Variants in BTAF1 observed in about 807,000 individuals in gnomAD.
BTAF1 encodes the protein B-TFIID TATA-box binding protein associated factor 1.
A neutral mutation model predicts 227.1 loss-of-function variants in BTAF1; 38 were observed. That is an observed-to-expected ratio of 0.17 (90% CI 0.13 to 0.22). BTAF1 has a LOEUF of 0.22. Ranked by LOEUF, BTAF1 falls within the 10% of genes least tolerant of loss-of-function variation. The pLI is 1.00. For synonymous variants in BTAF1, 742 were observed against 751.9 expected (o/e 0.99, Z 0.21); for missense variants, 1,598 against 2,204.0 (o/e 0.73, Z 5.51).
At chr10:91,963,999 C>T in intron 12 of BTAF1, 78 bp from the exon 13 acceptor site, 1 of 1,505,966 alleles carries the variant, frequency 6.6e-7, no homozygotes, top group Non-Finnish European at 9.1e-7. Flanking sequence ...TCAGTAGTGA[C>T]CCCTGGGATA....
At chr10:91,950,828 A>T (rs1034345224) in intron 4 of BTAF1, among the ~76,000 whole-genome samples, 2 of 124,472 alleles carry the variant, frequency 1.6e-5, no homozygotes, top group African/African-American at 3.4e-5. Context: ...TTCCATAGAG[A>T]TGTATTTTTT....
rs767222082 is a variant in BTAF1, at chr10:91,964,106, T to A, written c.1434T>A (p.Asp478Glu). ...CCTTCATTATAAATACATTGTGGGA[T>A]GCTCTTCTGGAATTAGATGATCTAA... ...KVPFIINTLW[D>E]ALLELDDLTA... The change falls in exon 13 of 38, where the codon GAT becomes GAA. Residue 478 changes from aspartate to glutamate, a missense_variant. Asp to Glu is a conservative substitution (Grantham distance 45, BLOSUM62 2). Transcript: ENST00000265990. The A allele has an allele frequency of 6.2e-7, 1 of 1,613,624 alleles. No homozygotes were observed. The highest frequency in any genetic ancestry group is 1.1e-5 in the South Asian group (1 of 91,072).
chr10:91,939,841 G>T, intron 2 of BTAF1, 111 bp from the exon 3 acceptor site: 1 of 607,054 alleles, frequency 1.6e-6, no homozygotes, highest in Non-Finnish European at 2.9e-6. Context: ...TATGTATTTG[G>T]ATGGCTGCCA....
intron 15 of BTAF1, among the ~76,000 whole-genome samples, 160 bp from the exon 16 acceptor site, chr10:91,981,483 A>G (rs1158737160): frequency 6.6e-6 from 1 of 152,178 alleles, no homozygotes; most frequent in African/African-American, 2.4e-5. Flanking sequence ...AACCTATTAG[A>G]AAACAGTACT....
chr10:91,962,438 T>C, intron 11 of BTAF1, 100 bp from the exon 12 acceptor site: 1 of 782,260 alleles, frequency 1.3e-6, no homozygotes, highest in African/African-American at 1.8e-5. Context: ...ACTATAAATA[T>C]TGGAATTTAG....
Position 91,942,466 on chromosome 10 carries a change from C to A in BTAF1, c.298C>A (p.Arg100=). The change falls in exon 4 of 38, where the codon CGA becomes AGA. Residue 100 remains arginine (R), a synonymous_variant. Transcript: ENST00000265990. ...SSMEDSPTTE[R]LNFDRFDICR... ...TATGGAAGATTCACCTACTACAGAG[C>A]GATTGAATTTTGACAGATTTGATAT... The A allele has an allele frequency of 1.2e-6, 2 of 1,613,768 alleles. No homozygotes were observed. Among genetic ancestry groups the A allele is most frequent in the South Asian group, 1.1e-5 (1 of 91,068 alleles).
rs761405886 is a variant in BTAF1 at position 91,996,459 on chromosome 10, A to G, written c.3400A>G (p.Ser1134Gly). Residue 1134 changes from serine to glycine, a missense_variant, in exon 24 of 38, where the codon AGC (serine) becomes GGC (glycine). This residue lies in a region of BTAF1 where 425 missense variants were observed against 491.2 expected (regional missense o/e 0.87). Coordinates refer to ENST00000265990, the MANE Select transcript of BTAF1 (RefSeq NM_003972.3). ...HMAARCVGVM[S>G]KIATMETMNI... ...GGCTGCTCGTTGTGTAGGTGTCATG[A>G]GCAAAATAGCTACCATGGAAACAAT... The G allele has an allele frequency of 6.2e-7, 1 of 1,614,172 alleles. No individual in the cohort carries two copies. The highest frequency in any genetic ancestry group is 1.1e-5 in the South Asian group (1 of 91,080).
intron 4 of BTAF1, among the ~76,000 whole-genome samples, chr10:91,945,167 T>G (rs923990997): frequency 3.3e-5 from 5 of 152,214 alleles, no homozygotes; most frequent in African/African-American, 1.2e-4. Context: ...TGTGGTCTTT[T>G]GTGGTGGTTT....
chr10:91,964,353 T>G (rs1057401141), intron 13 of BTAF1, 152 bp downstream of exon 13: 1 of 850,782 alleles, frequency 1.2e-6, no homozygotes, highest in Non-Finnish European at 1.7e-6. Context: ...AGGCCTTGTC[T>G]TTTTTACTCT....
intron 9 of BTAF1, 67 bp from the exon 10 acceptor site, chr10:91,959,718 A>ATGTATG (rs1846356557): frequency 2.9e-6 from 1 of 344,056 alleles, no homozygotes; most frequent in Non-Finnish European, 4.6e-6. Flanking sequence ...TGTTAAAAAA[A>ATGTATG]TGTGTGTGTG....
chr10:92,029,370 C>CATA lies in BTAF1; in HGVS notation c.*440_*442dup, dbSNP rs1468265972. ...TTTTTCTATAAAAGCCTTAATGAGC[C>CATA]ATAATTTTAAGAATATAAGAATAAT... On this transcript the variant is annotated 3_prime_UTR_variant, in exon 38 of 38. Transcript: ENST00000265990. The CATA allele has an allele frequency of 6.6e-6, 1 of 152,244 alleles. No individual in the cohort carries two copies. Among genetic ancestry groups the CATA allele is most frequent in the African/African-American group, 2.4e-5 (1 of 41,288 alleles). The allele number at this position is 152,244 out of a possible 1,614,324, so 9.4% of individuals were successfully genotyped here.
intron 25 of BTAF1, among the ~76,000 whole-genome samples, chr10:92,000,087 A>G (rs1293285951): frequency 2.6e-5 from 4 of 152,158 alleles, no homozygotes; most frequent in Admixed American, 2.6e-4. Flanking sequence ...CTCTATATGT[A>G]TATTTTACCT....
intron 14 of BTAF1, among the ~76,000 whole-genome samples, chr10:91,968,231 C>G (rs1367389477): frequency 6.6e-6 from 1 of 152,206 alleles, no homozygotes; most frequent in African/African-American, 2.4e-5. Flanking sequence ...CAACCCTTAA[C>G]AGCCACTGAT....
chr10:92,014,462 A>G (rs552267873), intron 32 of BTAF1, among the ~76,000 whole-genome samples: 19 of 152,298 alleles, frequency 1.2e-4, no homozygotes, highest in African/African-American at 4.1e-4. Flanking sequence ...CCCAGGGTCA[A>G]GCAGTCCTCC....
intron 15 of BTAF1, 133 bp downstream of exon 15, chr10:91,980,691 AC>A: frequency 1.5e-6 from 1 of 672,762 alleles, no homozygotes; most frequent in Non-Finnish European, 2.6e-6. Flanking sequence ...GCATAATGAG[AC>A]AGAGAACTAG....
chr10:91,996,691 C>G lies in BTAF1; in HGVS notation c.3511+121C>G, dbSNP rs1403941045. 5 of 875,940 alleles carry G rather than the reference C, an allele frequency of 5.7e-6. No individual in the cohort carries two copies. The Admixed American group carries it at 1.5e-4, about 26-fold the overall frequency. The allele number at this position is 875,940 out of a possible 1,614,324, so 54.3% of individuals were successfully genotyped here. A position where few individuals can be genotyped will look rare whatever the true frequency, so the allele number is the denominator to read the frequency against. ...TAACCTGCCTTGTTCCAAAAAATAC[C>G]TATTCTTTTTACATCTTATTTTGAA... On this transcript the variant is annotated intron_variant, in intron 24 of 37. Transcript: ENST00000265990.
chr10:91,996,884 G>A (rs1025090213), intron 24 of BTAF1, among the ~76,000 whole-genome samples: 2 of 151,988 alleles, frequency 1.3e-5, no homozygotes, highest in Non-Finnish European at 2.9e-5. Flanking sequence ...TGATTTATTT[G>A]TTTATAATCA....
chr10:92,011,370 A>G lies in BTAF1; in HGVS notation c.4266A>G (p.Gln1422=), dbSNP rs375613998. 17 of 1,484,516 alleles carry G rather than the reference A, an allele frequency of 1.1e-5. No homozygotes were observed. In the African/African-American group the frequency reaches 1.9e-4, roughly 17 times the overall value. 92.0% of individuals were successfully genotyped at this position (1,484,516 alleles called of 1,614,324 possible). Residue 1422 remains glutamine (Q), a synonymous_variant, in exon 30 of 38, where the codon CAA becomes CAG. Coordinates refer to ENST00000265990, the MANE Select transcript of BTAF1 (RefSeq NM_003972.3). The part of the protein sequence containing the change: ...GKTKLSKAVK[Q]LTANYRIILS... ...CAAAGTTGTCAAAAGCAGTAAAACA[A>G]CTGACTGCTAATTATAGGATTATTC...
chr10:91,978,863 A>G (rs1443826577), intron 14 of BTAF1, among the ~76,000 whole-genome samples: 1 of 125,704 alleles, frequency 8.0e-6, no homozygotes, highest in African/African-American at 3.1e-5. Flanking sequence ...TCATGGGTAC[A>G]TGTACAGGTT....
Sources: gnomAD v4.1 joint callset for allele counts (sites outside exome capture counted in the v4.1 genomes callset) on GRCh38, gnomAD v4.1.1 for gene constraint, gnomAD v4.1.1 regional missense constraint, MANE v1.5 for transcripts, NCBI Gene and HGNC (gene_info 2026-07-23, HGNC 2026-07-21) for gene names.